Variants in NT5DC3 observed in about 807,000 individuals in gnomAD.
NT5DC3 encodes the protein 5'-nucleotidase domain containing 3.
Under a neutral mutation model 67.8 loss-of-function variants are expected in NT5DC3, and 42 were observed. The observed-to-expected ratio is 0.62, with a 90% CI of 0.48 to 0.80. The LOEUF (loss-of-function observed/expected upper bound fraction) is 0.80. Ranked by LOEUF, NT5DC3 falls within the 30% of genes least tolerant of loss-of-function variation. The pLI, the probability that NT5DC3 is intolerant of heterozygous loss-of-function variation, is 0.00. For synonymous variants in NT5DC3, 237 were observed against 255.6 expected, an observed-to-expected ratio of 0.93 and a Z score of 0.69; for missense variants, 570 against 696.4, an observed-to-expected ratio of 0.82 and a Z score of 2.04.
rs998497764 is a variant in NT5DC3 at position 103,808,097 on chromosome 12, T to C, written c.394-1168A>G. ...TTATCTACTGCACCAGGTATCCAAG[T>C]CCTTACTTCTCTCCCTAAATCTCAG... On this transcript the variant is annotated intron_variant, in intron 2 of 13. Coordinates refer to ENST00000392876, the MANE Select transcript of NT5DC3 (RefSeq NM_001031701.3). Among the ~76,000 whole-genome samples, 18 of 152,170 alleles carry C rather than the reference T, an allele frequency of 1.2e-4. 1 individual carries two copies. The highest frequency in any genetic ancestry group is 4.1e-4 in the African/African-American group (17 of 41,436).
At chr12:103,840,244 C>T (rs1888323154) in intron 1 of NT5DC3, among the ~76,000 whole-genome samples, 1 of 152,132 alleles carries the variant, frequency 6.6e-6, no homozygotes, top group South Asian at 2.1e-4. Flanking sequence ...TAGTAACAAC[C>T]GAGCCAAGCT....
the NT5DC3 span, chr12:103,762,404 T>TAAGA: frequency 6.2e-7 from 1 of 1,614,126 alleles, no homozygotes; most frequent in Non-Finnish European, 8.5e-7. Context: ...CATTTTGAGG[T>TAAGA]AAGAGAGAAA....
the NT5DC3 span, chr12:103,753,265 A>G: frequency 2.5e-5 from 40 of 1,614,250 alleles, no homozygotes; most frequent in Non-Finnish European, 3.3e-5. Flanking sequence ...CTGGGCCAGT[A>G]TAAGCTGACC....
chr12:103,830,420 A>G (rs1446343814), intron 1 of NT5DC3, among the ~76,000 whole-genome samples: 2 of 152,020 alleles, frequency 1.3e-5, no homozygotes, highest in African/African-American at 4.8e-5. Flanking sequence ...TCTGTCTTTC[A>G]TTTGTTTTGG....
chr12:103,758,539 G>A, the NT5DC3 span, among the ~76,000 whole-genome samples: 2 of 152,186 alleles, frequency 1.3e-5, no homozygotes, highest in South Asian at 2.1e-4. Flanking sequence ...TAGCCCAGGC[G>A]AGTTCTCAGG....
intron 5 of NT5DC3, 29 bp downstream of exon 5, chr12:103,798,558 C>T (rs1200053047): frequency 4.0e-6 from 6 of 1,514,668 alleles, no homozygotes; most frequent in Non-Finnish European, 5.5e-6. Context: ...AAAAAGGCTG[C>T]TTTAAATGAA....
chr12:103,763,130 A>G, the NT5DC3 span, among the ~76,000 whole-genome samples: 3,021 of 152,286 alleles, frequency 0.02, 104 homozygotes, highest in African/African-American at 0.068. Flanking sequence ...AGGCTGTATG[A>G]CTGCATTTAT....
intron 2 of NT5DC3, 87 bp from the exon 3 acceptor site, chr12:103,807,016 G>A: frequency 2.6e-6 from 2 of 774,650 alleles, no homozygotes; most frequent in Non-Finnish European, 4.6e-6. Flanking sequence ...CAAAGGCTGA[G>A]GTAGTTGATA....
the NT5DC3 span, among the ~76,000 whole-genome samples, chr12:103,764,341 G>C: frequency 1.4e-4 from 21 of 152,324 alleles, no homozygotes; most frequent in Non-Finnish European, 2.5e-4. Flanking sequence ...TGCTTTTGGA[G>C]CTACTTTTCT....
downstream of NT5DC3, among the ~76,000 whole-genome samples, chr12:103,767,749 C>T (rs1260216121): frequency 6.6e-6 from 1 of 151,620 alleles, no homozygotes; most frequent in African/African-American, 2.4e-5. Flanking sequence ...CAAAGGGAAA[C>T]CTTGGCCTGG....
At chr12:103,766,111 C>T (rs934168842), downstream of NT5DC3, 2 of 837,116 alleles carry the variant, frequency 2.4e-6, no homozygotes, top group Non-Finnish European at 4.0e-6. Flanking sequence ...GGTGGCCCTA[C>T]CCCCAGCCCA....
chr12:103,764,642 T>C, the NT5DC3 span, among the ~76,000 whole-genome samples: 1 of 151,798 alleles, frequency 6.6e-6, no homozygotes, highest in East Asian at 1.9e-4. Flanking sequence ...TTGTATAGTG[T>C]AACAGATATT....
chr12:103,815,766 T>C (rs1887225138), intron 1 of NT5DC3, among the ~76,000 whole-genome samples: 1 of 152,176 alleles, frequency 6.6e-6, no homozygotes, highest in African/African-American at 2.4e-5. Flanking sequence ...TAAAAACCAC[T>C]GGGAGACTTT....
intron 2 of NT5DC3, among the ~76,000 whole-genome samples, chr12:103,807,417 C>A (rs1444424994): frequency 6.6e-6 from 1 of 152,224 alleles, no homozygotes; most frequent in African/African-American, 2.4e-5. Flanking sequence ...CTTGATGTGG[C>A]AGGCCCCTGG....
downstream of NT5DC3, chr12:103,766,475 G>A (rs777966554): frequency 9.9e-7 from 1 of 1,012,984 alleles, no homozygotes; most frequent in East Asian, 2.6e-5. Context: ...GGCTGATCTG[G>A]GGGTTGTTTC....
At chr12:103,758,431 C>A in the NT5DC3 span, 1 of 1,412,564 alleles carries the variant, frequency 7.1e-7, no homozygotes, top group Non-Finnish European at 9.5e-7. Context: ...TTGGCCACTC[C>A]CTTGGTCTTG....
At chr12:103,786,681 A>ATTTTTTTTTTTTTTTTTTTTTTT (rs3036176) in intron 11 of NT5DC3, among the ~76,000 whole-genome samples, 1 of 132,366 alleles carries the variant, frequency 7.6e-6, no homozygotes. Context: ...CACTGGTTTG[A>ATTTTTTTTTTTTTTTTTTTTTTT]TTTTTTTTTT....
At chr12:103,779,108 C>T (rs557985701) in intron 13 of NT5DC3, among the ~76,000 whole-genome samples, 1 of 152,322 alleles carries the variant, frequency 6.6e-6, no homozygotes, top group South Asian at 2.1e-4. Context: ...TGTAAACTCT[C>T]AAGTGCTCAG....
At chr12:103,820,281 T>C (rs891438802) in intron 1 of NT5DC3, among the ~76,000 whole-genome samples, 1 of 152,252 alleles carries the variant, frequency 6.6e-6, no homozygotes, top group Admixed American at 6.5e-5. Context: ...TCTTGAATCA[T>C]ATGGTAATCC....
Sources: allele counts gnomAD v4.1 joint callset (sites outside exome capture counted in the v4.1 genomes callset), GRCh38; gene constraint gnomAD v4.1.1; transcripts MANE v1.5; gene names NCBI Gene and HGNC (gene_info 2026-07-23, HGNC 2026-07-21).